PIK3R3: variants seen among roughly 807,000 people sequenced by gnomAD.
PIK3R3 encodes the protein phosphoinositide-3-kinase regulatory subunit 3.
In PIK3R3, 64 loss-of-function variants were observed where a neutral mutation model predicts 62.9. The observed-to-expected ratio is 1.02, with a 90% confidence interval of 0.83 to 1.25. The LOEUF (loss-of-function observed/expected upper bound fraction) is 1.25. PIK3R3 is among the 50% of genes most tolerant of loss of function. PIK3R3 has a pLI of 0.00. For synonymous variants in PIK3R3, 165 were observed against 189.0 expected (o/e 0.87, Z 1.04); for missense variants, 614 against 561.6 (o/e 1.09, Z -0.94).
intron 7 of PIK3R3, among the ~76,000 whole-genome samples, chr1:46,048,920 A>G (rs1252680020): frequency 6.6e-6 from 1 of 152,184 alleles, no homozygotes; most frequent in African/African-American, 2.4e-5. Flanking sequence ...AACCTCAAAT[A>G]GCTTTAGTAA....
chr1:46,071,696 C>CAAAAAAAAAAAAAAAAAA (rs1331276065), intron 3 of PIK3R3, among the ~76,000 whole-genome samples: 5 of 17,252 alleles, frequency 2.9e-4, no homozygotes, highest in African/African-American at 1.2e-3. Flanking sequence ...ACTCTGTCTC[C>CAAAAAAAAAAAAAAAAAA]AAAAAAAAAA....
At chr1:46,099,829 C>T (rs1290773082) in intron 1 of PIK3R3, among the ~76,000 whole-genome samples, 1 of 152,128 alleles carries the variant, frequency 6.6e-6, no homozygotes, top group South Asian at 2.1e-4. Flanking sequence ...ACTCCACTGT[C>T]CACTTAAGTA....
chr1:46,131,318 T>C (rs568204202), intron 1 of PIK3R3, among the ~76,000 whole-genome samples: 1 of 152,292 alleles, frequency 6.6e-6, no homozygotes, highest in African/African-American at 2.4e-5. Context: ...CATTTGTTTC[T>C]GCAAGAGAAA....
At chr1:46,065,476 A>C (rs1648904096) in intron 5 of PIK3R3, among the ~76,000 whole-genome samples, 1 of 152,250 alleles carries the variant, frequency 6.6e-6, no homozygotes, top group African/African-American at 2.4e-5. Flanking sequence ...CATTAGCTGA[A>C]CACACCTGAC....
intron 1 of PIK3R3, among the ~76,000 whole-genome samples, chr1:46,103,390 T>C (rs1652893993): frequency 6.6e-6 from 1 of 151,794 alleles, no homozygotes. Context: ...GGAAACATGG[T>C]GAAACCCCGT....
At chr1:46,082,226 G>A (rs931939906) in intron 1 of PIK3R3, among the ~76,000 whole-genome samples, 2 of 152,128 alleles carry the variant, frequency 1.3e-5, no homozygotes, top group African/African-American at 4.8e-5. Flanking sequence ...TCACTTCTGT[G>A]ACATTCCTGC....
At chr1:46,161,015 C>T in the PIK3R3 span, among the ~76,000 whole-genome samples, 1 of 152,146 alleles carries the variant, frequency 6.6e-6, no homozygotes, top group African/African-American at 2.4e-5. Flanking sequence ...TCAGATTGGA[C>T]CACATCATTG....
At chr1:46,064,149 G>A (rs1368068526) in intron 5 of PIK3R3, among the ~76,000 whole-genome samples, 1 of 152,046 alleles carries the variant, frequency 6.6e-6, no homozygotes, top group Non-Finnish European at 1.5e-5. Flanking sequence ...GGAGATGGAG[G>A]TCACAGTGAG....
At chr1:46,140,504 A>C in the PIK3R3 span, among the ~76,000 whole-genome samples, 1 of 152,228 alleles carries the variant, frequency 6.6e-6, no homozygotes, top group Non-Finnish European at 1.5e-5. Context: ...TGCAGATATA[A>C]TTAAATTAAA....
chr1:46,077,664 T>C, intron 2 of PIK3R3, 51 bp from the exon 3 acceptor site: 1 of 1,127,276 alleles, frequency 8.9e-7, no homozygotes, highest in Non-Finnish European at 1.4e-6. Context: ...ACTGGTGGCT[T>C]CGGCAGTAGG....
intron 1 of PIK3R3, among the ~76,000 whole-genome samples, chr1:46,117,301 C>T (rs1269859677): frequency 6.6e-6 from 1 of 152,036 alleles, no homozygotes; most frequent in Non-Finnish European, 1.5e-5. Flanking sequence ...GGTATGGTGG[C>T]ACGCACCTAT....
chr1:46,170,918 A>G, the PIK3R3 span, among the ~76,000 whole-genome samples: 1 of 152,242 alleles, frequency 6.6e-6, no homozygotes, highest in African/African-American at 2.4e-5. Flanking sequence ...TAATGCCACA[A>G]TTCTGAATTT....
At chr1:46,102,919 C>T (rs1331754227) in intron 1 of PIK3R3, among the ~76,000 whole-genome samples, 2 of 150,738 alleles carry the variant, frequency 1.3e-5, no homozygotes, top group African/African-American at 4.9e-5. Context: ...GTGGAAGCAA[C>T]CCAAAGTCTA....
chr1:46,146,610 C>G, the PIK3R3 span, among the ~76,000 whole-genome samples: 1 of 151,836 alleles, frequency 6.6e-6, no homozygotes, highest in Admixed American at 6.6e-5. Flanking sequence ...GAAGCTATCT[C>G]CCTTGGAGGA....
chr1:46,119,741 C>T (rs1654496840), intron 1 of PIK3R3, among the ~76,000 whole-genome samples: 1 of 150,796 alleles, frequency 6.6e-6, no homozygotes, highest in Non-Finnish European at 1.5e-5. Context: ...GTAGCTGAGA[C>T]TACAGGTATG....
At position 46,059,491 on chromosome 1, in the gene PIK3R3, A is replaced by T. The variant is rs75005772; in HGVS notation, c.764+2438T>A. Reference sequence around the variant, plus strand: ...CCTTATGGTAATGACTGTCTACATTATTCCCTTGTCACTCAATATGTGGCT... The same window carrying T: ...CCTTATGGTAATGACTGTCTACATTTTTCCCTTGTCACTCAATATGTGGCT... On this transcript the variant is annotated intron_variant, in intron 6 of 9. Transcript: ENST00000262741. 4.9e-3 allele frequency among the ~76,000 whole-genome samples: 745 copies of T among 152,348 alleles called. 4 individuals are homozygous for T. Among genetic ancestry groups the T allele is most frequent in the Non-Finnish European group, 7.9e-3 (535 of 68,028 alleles).
chr1:46,054,369 C>A (rs1647662332), intron 7 of PIK3R3, among the ~76,000 whole-genome samples: 1 of 122,320 alleles, frequency 8.2e-6, no homozygotes, highest in Non-Finnish European at 1.6e-5. Context: ...GCACTCCAGC[C>A]TGGGTGACAC....
chr1:46,162,917 C>T, the PIK3R3 span, among the ~76,000 whole-genome samples: 1 of 152,220 alleles, frequency 6.6e-6, no homozygotes. Context: ...GCCACCATGC[C>T]CGACCGCACT....
chr1:46,057,669 T>C (rs1648056440), intron 6 of PIK3R3, among the ~76,000 whole-genome samples: 1 of 152,210 alleles, frequency 6.6e-6, no homozygotes, highest in Non-Finnish European at 1.5e-5. Flanking sequence ...ATTTTGCCCC[T>C]GCCCTAGAGA....
Sources: gnomAD v4.1 joint callset for allele counts (sites outside exome capture counted in the v4.1 genomes callset) on GRCh38, gnomAD v4.1.1 for gene constraint, MANE v1.5 for transcripts, NCBI Gene and HGNC (gene_info 2026-07-23, HGNC 2026-07-21) for gene names.